The following EMP2 variants were observed in gnomAD, a reference collection of about 807,000 sequenced individuals.
EMP2 encodes the protein epithelial membrane protein 2.
A neutral mutation model predicts 13.7 loss-of-function variants in EMP2; 19 were observed. That is an observed-to-expected ratio of 1.38 (90% CI 0.97 to 2.03). EMP2 has a LOEUF of 2.03. Ranked by LOEUF, EMP2 falls within the 30% of genes most tolerant of loss-of-function variation. The pLI, the probability that EMP2 is intolerant of heterozygous loss-of-function variation, is 0.00. For missense variants in EMP2, 253 were observed against 220.7 expected (o/e 1.15, Z -0.93); for synonymous variants, 97 against 84.7 (o/e 1.15, Z -0.80).
intron 1 of EMP2, among the ~76,000 whole-genome samples, chr16:10,549,269 A>C (rs904294600): frequency 9.9e-5 from 15 of 152,226 alleles, no homozygotes; most frequent in Non-Finnish European, 1.5e-4. Flanking sequence ...ACAGAACTAC[A>C]GTTGTCCAAA....
Position 10,575,237 on chromosome 16 carries a change from C to CTTTTTTTTTTTTTTTTTTTTTTTTT in EMP2, c.-61+5287_-61+5311dup, listed in dbSNP as rs761837614. ...TGGCCTTGGTCCTGGAGCTTGCATT[C>CTTTTTTTTTTTTTTTTTTTTTTTTT]TTTTTTTTTTTTTTTTTTTTTTTTT... On this transcript the variant is annotated intron_variant, in intron 1 of 4. Coordinates refer to ENST00000359543, the MANE Select transcript of EMP2 (RefSeq NM_001424.6). Among the ~76,000 whole-genome samples, 44 of 52,482 alleles carry CTTTTTTTTTTTTTTTTTTTTTTTTT rather than the reference C, an allele frequency of 8.4e-4. 12 individuals are homozygous for CTTTTTTTTTTTTTTTTTTTTTTTTT. The highest frequency in any genetic ancestry group is 2.1e-3 in the East Asian group (3 of 1,454). 34.4% of individuals were successfully genotyped at this position (52,482 alleles called of 152,430 possible).
At chr16:10,562,985 G>A (rs1372285059) in intron 1 of EMP2, among the ~76,000 whole-genome samples, 2 of 152,084 alleles carry the variant, frequency 1.3e-5, no homozygotes, top group African/African-American at 2.4e-5. Context: ...ATACCTACAG[G>A]CACACAGCAT....
chr16:10,569,572 A>C (rs761023549), intron 1 of EMP2, among the ~76,000 whole-genome samples: 2 of 152,020 alleles, frequency 1.3e-5, no homozygotes, highest in Non-Finnish European at 2.9e-5. Flanking sequence ...CTCTCACCTC[A>C]ACCTCCCAAA....
chr16:10,573,930 C>CTTTTTT (rs371646297), intron 1 of EMP2, among the ~76,000 whole-genome samples: 45 of 83,214 alleles, frequency 5.4e-4, no homozygotes, highest in East Asian at 1.5e-3. Context: ...ATGGATAAAC[C>CTTTTTT]TTTTTTTTTT....
chr16:10,561,519 G>C (rs1208733345), intron 1 of EMP2, among the ~76,000 whole-genome samples: 1 of 152,166 alleles, frequency 6.6e-6, no homozygotes, highest in Non-Finnish European at 1.5e-5. Context: ...AAGAGCACAT[G>C]ATGGGACCCA....
chr16:10,566,921 G>T (rs1170332348), intron 1 of EMP2, among the ~76,000 whole-genome samples: 2 of 151,990 alleles, frequency 1.3e-5, no homozygotes, highest in Non-Finnish European at 2.9e-5. Context: ...AACAAACCAA[G>T]CTCACCTCCC....
chr16:10,566,041 T>A (rs1419763920), intron 1 of EMP2, among the ~76,000 whole-genome samples: 1 of 152,180 alleles, frequency 6.6e-6, no homozygotes, highest in East Asian at 1.9e-4. Context: ...CCCCAGCCTC[T>A]GCCTGGATTA....
chr16:10,538,175 G>T, intron 3 of EMP2, 101 bp from the exon 4 acceptor site: 1 of 1,445,494 alleles, frequency 6.9e-7, no homozygotes, highest in Non-Finnish European at 9.5e-7. Context: ...GTGACAGGAG[G>T]CAAACAGGAA....
chr16:10,541,576 G>A (rs1249186455), intron 3 of EMP2, among the ~76,000 whole-genome samples: 1 of 152,192 alleles, frequency 6.6e-6, no homozygotes, highest in Non-Finnish European at 1.5e-5. Context: ...CAGCCACAGA[G>A]CACAGCAAGC....
chr16:10,569,937 G>A (rs532833123), intron 1 of EMP2, among the ~76,000 whole-genome samples: 54 of 152,260 alleles, frequency 3.5e-4, no homozygotes, highest in African/African-American at 1.3e-3. Flanking sequence ...GGGAGCAGCC[G>A]CCCTGACCCT....
intron 4 of EMP2, among the ~76,000 whole-genome samples, chr16:10,534,948 C>T (rs1291032329): frequency 2.0e-5 from 3 of 152,182 alleles, no homozygotes; most frequent in Non-Finnish European, 4.4e-5. Context: ...AGACAATCTC[C>T]GCCAATCAGA....
chr16:10,538,040 C>T lies in EMP2; in HGVS notation c.204G>A (p.Met68Ile), dbSNP rs1192655749. The T allele has an allele frequency of 6.2e-7, 1 of 1,613,904 alleles. No individual in the cohort carries two copies. Among genetic ancestry groups the T allele is most frequent in the South Asian group, 1.1e-5 (1 of 91,074 alleles). The change falls in exon 4 of 5, where the codon ATG becomes ATA. Residue 68 changes from methionine to isoleucine, a missense_variant. Physicochemically the swap from Met to Ile is conservative, Grantham distance 10. Transcript: ENST00000359543. Reference sequence around the variant, plus strand: ...TGCAGCAGAGAATGGTGGAGAGGATCATGGTGGCCTGGACCGCCTGCAGCG... The same window carrying T: ...TGCAGCAGAGAATGGTGGAGAGGATTATGGTGGCCTGGACCGCCTGCAGCG... Reference protein sequence around the residue: ...YSTLQAVQATMILSTILCCIA... With the variant: ...YSTLQAVQATIILSTILCCIA...
At chr16:10,542,142 G>GCTC (rs971698637) in intron 3 of EMP2, among the ~76,000 whole-genome samples, 4 of 152,090 alleles carry the variant, frequency 2.6e-5, no homozygotes, top group African/African-American at 9.7e-5. Flanking sequence ...AGGCATGGTG[G>GCTC]CTCCTCCTCC....
chr16:10,546,498 T>A (rs999134240), intron 2 of EMP2: 1 of 152,102 alleles, frequency 6.6e-6, no homozygotes, highest in African/African-American at 2.4e-5. Flanking sequence ...GGGGCATAGG[T>A]AGAGTCTGGA....
At chr16:10,549,304 C>G (rs781759148) in intron 1 of EMP2, among the ~76,000 whole-genome samples, 1 of 152,192 alleles carries the variant, frequency 6.6e-6, no homozygotes, top group African/African-American at 2.4e-5. Context: ...CATGGGAGAT[C>G]AGATGAAAAG....
chr16:10,554,770 C>T (rs550904642), intron 1 of EMP2, among the ~76,000 whole-genome samples: 4 of 152,272 alleles, frequency 2.6e-5, no homozygotes, highest in African/African-American at 9.6e-5. Context: ...TCTCGGTTCC[C>T]CTGAACACGG....
intron 1 of EMP2, among the ~76,000 whole-genome samples, chr16:10,566,643 C>T (rs1172160696): frequency 6.6e-6 from 1 of 152,214 alleles, no homozygotes; most frequent in African/African-American, 2.4e-5. Flanking sequence ...CCACTGATTC[C>T]AGTTCTGTCT....
intron 4 of EMP2, among the ~76,000 whole-genome samples, chr16:10,537,038 G>C (rs1024333287): frequency 1.3e-5 from 2 of 152,130 alleles, no homozygotes; most frequent in African/African-American, 4.8e-5. Flanking sequence ...GGGAGGTGGA[G>C]GGCTGGAAGG....
chr16:10,573,930 C>CTTTTTTT (rs371646297), intron 1 of EMP2, among the ~76,000 whole-genome samples: 27 of 83,204 alleles, frequency 3.2e-4, no homozygotes, highest in East Asian at 3.8e-4. Context: ...ATGGATAAAC[C>CTTTTTTT]TTTTTTTTTT....
Sources: allele counts gnomAD v4.1 joint callset (sites outside exome capture counted in the v4.1 genomes callset), GRCh38; gene constraint gnomAD v4.1.1; transcripts MANE v1.5; gene names NCBI Gene and HGNC (gene_info 2026-07-23, HGNC 2026-07-21).